Variants in CUX1 observed in about 807,000 individuals in gnomAD.
CUX1 encodes the protein cut like homeobox 1.
Under a neutral mutation model 158.8 loss-of-function variants are expected in CUX1, and 31 were observed. The observed-to-expected ratio is 0.20, with a 90% confidence interval of 0.15 to 0.26. The LOEUF is 0.26. CUX1 is among the 10% of genes least tolerant of loss of function. The pLI is 1.00. For synonymous variants in CUX1, 879 were observed against 862.1 expected, an observed-to-expected ratio of 1.02 and a Z score of -0.34; for missense variants, 1,589 against 2,014.6, an observed-to-expected ratio of 0.79 and a Z score of 4.04.
chr7:102,152,859 A>G (rs978589513), intron 8 of CUX1, among the ~76,000 whole-genome samples: 5 of 152,238 alleles, frequency 3.3e-5, no homozygotes, highest in Admixed American at 6.5e-5. Context: ...CTGCAACTGC[A>G]GAGTGTGGTG....
intron 18 of CUX1, among the ~76,000 whole-genome samples, chr7:102,202,964 C>A (rs782532782): frequency 6.6e-6 from 1 of 152,104 alleles, no homozygotes; most frequent in Non-Finnish European, 1.5e-5. Context: ...GTCCTAGTAT[C>A]ATTTTATTTA....
At position 102,250,387 on chromosome 7, in the gene CUX1, T is replaced by G; in HGVS notation, c.*1345T>G. 1 of 985,568 alleles carries G rather than the reference T, an allele frequency of 1.0e-6. No homozygotes were observed. The highest frequency in any genetic ancestry group is 1.2e-6 in the Non-Finnish European group (1 of 830,026). The allele number at this position is 985,568 out of a possible 1,614,324, so 61.1% of individuals were successfully genotyped here. ...GGCACCTCACCTCACACCACTCTCC[T>G]GGATACCTGATGAACTGAGCCCTCC... On this transcript the variant is annotated 3_prime_UTR_variant, in exon 24 of 24. Coordinates refer to ENST00000292535, the MANE Select transcript of CUX1 (RefSeq NM_181552.4).
intron 1 of CUX1, among the ~76,000 whole-genome samples, chr7:101,844,152 T>C (rs1322097748): frequency 6.6e-6 from 1 of 152,126 alleles, no homozygotes; most frequent in Non-Finnish European, 1.5e-5. Context: ...GGGTGGGCAC[T>C]GTTGCTATTA....
chr7:102,105,805 G>A (rs1211580333), intron 6 of CUX1, among the ~76,000 whole-genome samples: 2 of 151,814 alleles, frequency 1.3e-5, no homozygotes, highest in African/African-American at 2.4e-5. Flanking sequence ...GAGCCACCAC[G>A]GCTGGCCTAG....
At chr7:102,094,999 A>T (rs1554483588) in intron 4 of CUX1, among the ~76,000 whole-genome samples, 1 of 151,560 alleles carries the variant, frequency 6.6e-6, no homozygotes, top group Non-Finnish European at 1.5e-5. Context: ...TCCCCAAGAT[A>T]GCATTTTTTT....
intron 1 of CUX1, among the ~76,000 whole-genome samples, chr7:101,859,223 C>T (rs1490662814): frequency 1.3e-5 from 2 of 152,164 alleles, no homozygotes; most frequent in Non-Finnish European, 2.9e-5. Flanking sequence ...CAAAGGCATC[C>T]CTCCCTGCAC....
chr7:101,967,878 A>G (rs1811430955), intron 2 of CUX1, among the ~76,000 whole-genome samples: 5 of 152,040 alleles, frequency 3.3e-5, no homozygotes, highest in Admixed American at 3.3e-4. Context: ...GGGGAATCAT[A>G]ATGCTCTAGG....
chr7:101,837,805 T>TGGG (rs1243088479), intron 1 of CUX1, among the ~76,000 whole-genome samples: 1 of 111,626 alleles, frequency 9.0e-6, no homozygotes, highest in Non-Finnish European at 1.6e-5. Flanking sequence ...CATTCCAGCC[T>TGGG]GGGTGACAGA....
At chr7:101,868,957 AG>A (rs1798200079) in intron 1 of CUX1, among the ~76,000 whole-genome samples, 1 of 152,130 alleles carries the variant, frequency 6.6e-6, no homozygotes, top group African/African-American at 2.4e-5. Flanking sequence ...AGAACAGGAG[AG>A]GAGAGGCCCC....
rs1801154221 is a variant in CUX1 at position 102,248,919 on chromosome 7, C to T, written c.4395C>T (p.Ala1465=). ...SLQSLFGLPE[A]AGARDSRDNP... ...AGAGCCTTTTCGGCCTCCCCGAGGC[C>T]GCGGGCGCCCGGGACTCGCGCGACA... The change falls in exon 24 of 24, where the codon GCC becomes GCT. Residue 1465 remains alanine (A), a synonymous_variant. Transcript: ENST00000292535. This position sits in a 1 kb window ranked among gnomAD's most constrained non-coding sequence, Gnocchi z 5.8. 2 of 1,461,128 alleles carry T rather than the reference C, an allele frequency of 1.4e-6. No individual in the cohort carries two copies. Among genetic ancestry groups the T allele is most frequent in the Non-Finnish European group, 9.1e-7 (1 of 1,101,938 alleles). 90.5% of individuals were successfully genotyped at this position (1,461,128 alleles called of 1,614,324 possible).
chr7:101,964,800 A>G (rs441601), intron 2 of CUX1, among the ~76,000 whole-genome samples: 129,254 of 152,228 alleles, frequency 0.85, 55,303 homozygotes, highest in African/African-American at 0.91. Context: ...GCTGGCCTTA[A>G]TTGGAGGATG....
chr7:102,186,649 A>G (rs1793660114), intron 11 of CUX1, among the ~76,000 whole-genome samples: 1 of 151,808 alleles, frequency 6.6e-6, no homozygotes, highest in Non-Finnish European at 1.5e-5. Flanking sequence ...TCCCAGCACC[A>G]TTACTGAGCA....
rs782065336 is a variant in CUX1, at chr7:102,256,487, G to A, written c.*7445G>A. ...TCCCCTACTCCCCCAGAGAACCAAG[G>A]CGTCTGGGGGATTGACTGGGGGGCA... On this transcript the variant is annotated 3_prime_UTR_variant, in exon 24 of 24. Transcript: ENST00000292535. 1 of 985,344 alleles carries A rather than the reference G, an allele frequency of 1.0e-6. No individual in the cohort carries two copies. The highest frequency in any genetic ancestry group is 1.2e-6 in the Non-Finnish European group (1 of 829,910). 61.0% of individuals were successfully genotyped at this position (985,344 alleles called of 1,614,324 possible). A position where few individuals can be genotyped will look rare whatever the true frequency, so the allele number is the denominator to read the frequency against.
intron 8 of CUX1, among the ~76,000 whole-genome samples, chr7:102,155,164 C>T (rs926363403): frequency 3.9e-5 from 6 of 152,110 alleles, no homozygotes; most frequent in Non-Finnish European, 7.4e-5. Flanking sequence ...GAGTGAATGA[C>T]GGTAGCCAGG....
At position 102,250,736 on chromosome 7, in the gene CUX1, C is replaced by T; in HGVS notation, c.*1694C>T. 2.0e-6 allele frequency: 2 copies of T among 985,374 alleles called. No homozygotes were observed. The highest frequency in any genetic ancestry group is 1.1e-4 in the East Asian group (1 of 8,820). The allele number at this position is 985,374 out of a possible 1,614,324, so 61.0% of individuals were successfully genotyped here. A position where few individuals can be genotyped will look rare whatever the true frequency, so the allele number is the denominator to read the frequency against. On this transcript the variant is annotated 3_prime_UTR_variant, in exon 24 of 24. Transcript: ENST00000292535. Reference sequence around the variant, plus strand: ...AAGTCTAACTTGTCTCTGATTCCTCCCTTGTCTATGTGTATATGCGTGAGA... The same window carrying T: ...AAGTCTAACTTGTCTCTGATTCCTCTCTTGTCTATGTGTATATGCGTGAGA...
intron 2 of CUX1, among the ~76,000 whole-genome samples, chr7:101,967,321 C>CT (rs1811356374): frequency 6.6e-6 from 1 of 152,162 alleles, no homozygotes; most frequent in Non-Finnish European, 1.5e-5. Flanking sequence ...GGCCAGAAAT[C>CT]TTTTTCCATT....
At chr7:102,108,143 A>G (rs1391983940) in intron 6 of CUX1, among the ~76,000 whole-genome samples, 5 of 152,178 alleles carry the variant, frequency 3.3e-5, no homozygotes, top group Admixed American at 2.0e-4. Flanking sequence ...CCTAACTGGG[A>G]TGTTATGTCA....
chr7:102,064,388 C>A (rs1286754616), intron 3 of CUX1, among the ~76,000 whole-genome samples: 2 of 152,186 alleles, frequency 1.3e-5, no homozygotes, highest in Non-Finnish European at 2.9e-5. Flanking sequence ...CTCAAGCTAA[C>A]GTGCAGGCAG....
At chr7:101,840,139 A>T (rs1325570253) in intron 1 of CUX1, among the ~76,000 whole-genome samples, 1 of 152,244 alleles carries the variant, frequency 6.6e-6, no homozygotes. Context: ...GTTTTTGTTG[A>T]TTTCGAAGCT....
Sources: allele counts gnomAD v4.1 joint callset (sites outside exome capture counted in the v4.1 genomes callset), GRCh38; gene constraint gnomAD v4.1.1; non-coding constraint Gnocchi (gnomAD v3.1); transcripts MANE v1.5; gene names NCBI Gene and HGNC (gene_info 2026-07-23, HGNC 2026-07-21).